Variants in TANGO6 observed in about 807,000 individuals in gnomAD.
TANGO6 encodes the protein transport and Golgi organization protein 6 homolog.
Under a neutral mutation model 114.2 loss-of-function variants are expected in TANGO6, and 90 were observed. The observed-to-expected ratio is 0.79, with a 90% CI of 0.66 to 0.94. TANGO6 has a LOEUF of 0.94. Among genes scored for constraint, TANGO6 ranks in the 40% least tolerant of loss-of-function variants. The pLI is 0.00. For missense variants in TANGO6, 1,274 were observed against 1,315.3 expected (o/e 0.97, Z 0.49); for synonymous variants, 477 against 509.8 (o/e 0.94, Z 0.87).
chr16:68,881,559 C>T (rs1962463086), intron 7 of TANGO6, among the ~76,000 whole-genome samples: 1 of 152,030 alleles, frequency 6.6e-6, no homozygotes, highest in South Asian at 2.1e-4. Flanking sequence ...TTTTTCAATA[C>T]TATAGTCTTC....
intron 14 of TANGO6, among the ~76,000 whole-genome samples, chr16:68,942,782 G>A (rs746368547): frequency 2.0e-5 from 3 of 152,154 alleles, no homozygotes; most frequent in Non-Finnish European, 2.9e-5. Flanking sequence ...GCCTTTTTAA[G>A]GGGAGAAAAT....
chr16:68,933,283 T>C (rs1963265673), intron 14 of TANGO6, among the ~76,000 whole-genome samples: 1 of 152,060 alleles, frequency 6.6e-6, no homozygotes, highest in South Asian at 2.1e-4. Context: ...GGCATGGTGG[T>C]GTGTGCCTGT....
In TANGO6 at chr16:68,952,827, ATC is replaced by A. The variant is rs1292833310; in HGVS notation, c.2702-21195_2702-21194del. On this transcript the variant is annotated intron_variant, in intron 14 of 17. Coordinates refer to ENST00000261778, the MANE Select transcript of TANGO6 (RefSeq NM_024562.2). ...GAGCTGCCAAAGACCTCATTAGGTC[ATC>A]TCTCTGTCCACCTGCTGGGACATGA... is the stretch of plus-strand genomic sequence containing the variant. 2.0e-5 allele frequency among the ~76,000 whole-genome samples: 3 copies of A among 152,294 alleles called. No individual in the cohort carries two copies. The East Asian group carries it at 5.8e-4, about 29-fold the overall frequency.
Position 68,958,228 on chromosome 16 carries a change from C to A in TANGO6, c.2702-15800C>A, listed in dbSNP as rs796270551. The stretch of plus-strand genomic sequence containing the variant: ...AGTGTATGAGCCGGGTGCAGTCACT[C>A]GCGCCTGTAATCCCAGCACTTTGAG... On this transcript the variant is annotated intron_variant, in intron 14 of 17. Coordinates refer to ENST00000261778, the MANE Select transcript of TANGO6 (RefSeq NM_024562.2). Among the ~76,000 whole-genome samples the A allele has an allele frequency of 6.0e-5, 9 of 151,210 alleles. 1 individual carries two copies. The highest frequency in any genetic ancestry group is 2.2e-4 in the African/African-American group (9 of 41,212).
chr16:68,927,912 C>T lies in TANGO6; in HGVS notation c.2472C>T (p.Ser824=). 1.2e-6 allele frequency: 2 copies of T among 1,613,874 alleles called. No individual in the cohort carries two copies. Among genetic ancestry groups the T allele is most frequent in the Non-Finnish European group, 1.7e-6 (2 of 1,179,834 alleles). ...PIIPQGVNEP[S]TTTSQKSGSV... is the part of the protein sequence containing the mutation. ...TTCCTCAAGGAGTCAATGAGCCCAG[C>T]ACTACTACAAGTCAGAAATCTGGAA... The change falls in exon 13 of 18, where the codon AGC becomes AGT. Residue 824 remains serine (S), a synonymous_variant. Transcript: ENST00000261778.
chr16:68,967,501 T>C (rs576558632), intron 14 of TANGO6, among the ~76,000 whole-genome samples: 1 of 152,336 alleles, frequency 6.6e-6, no homozygotes, highest in Non-Finnish European at 1.5e-5. Context: ...AATGTTGTTA[T>C]CACCCCAGAA....
intron 17 of TANGO6, among the ~76,000 whole-genome samples, chr16:69,072,637 G>T (rs1960314446): frequency 6.6e-6 from 1 of 152,138 alleles, no homozygotes; most frequent in Admixed American, 6.6e-5. Flanking sequence ...GGATTGGGAA[G>T]AAGCTCTATA....
At chr16:68,849,966 C>T (rs1372674624) in intron 1 of TANGO6, among the ~76,000 whole-genome samples, 1 of 144,982 alleles carries the variant, frequency 6.9e-6, no homozygotes, top group Non-Finnish European at 1.5e-5. Context: ...GTCTTTCTAG[C>T]GGTTCTTTTT....
intron 17 of TANGO6, among the ~76,000 whole-genome samples, chr16:69,049,774 C>T (rs988262838): frequency 1.3e-5 from 2 of 151,498 alleles, no homozygotes; most frequent in Non-Finnish European, 2.9e-5. Flanking sequence ...TGGGGTCTCA[C>T]TATGTTGCCC....
intron 17 of TANGO6, among the ~76,000 whole-genome samples, chr16:69,048,723 G>A (rs1959900822): frequency 6.6e-6 from 1 of 152,132 alleles, no homozygotes; most frequent in Non-Finnish European, 1.5e-5. Context: ...TGAGAGAGAA[G>A]GCAAACCCTG....
chr16:68,856,804 C>T (rs1223994305), intron 1 of TANGO6, among the ~76,000 whole-genome samples: 1 of 152,064 alleles, frequency 6.6e-6, no homozygotes, highest in Non-Finnish European at 1.5e-5. Context: ...ATAGTTTCAC[C>T]TCCCTAAAAA....
At chr16:68,879,328 T>A (rs1053610189) in intron 6 of TANGO6, among the ~76,000 whole-genome samples, 2 of 149,698 alleles carry the variant, frequency 1.3e-5, no homozygotes, top group East Asian at 2.0e-4. Context: ...GAAAAAATTT[T>A]AAAAATTAGC....
chr16:69,039,445 G>A (rs1302394290), intron 16 of TANGO6, among the ~76,000 whole-genome samples: 2 of 152,012 alleles, frequency 1.3e-5, no homozygotes, highest in African/African-American at 4.8e-5. Flanking sequence ...AGACCAGCTG[G>A]GCAACATGGT....
intron 7 of TANGO6, among the ~76,000 whole-genome samples, chr16:68,895,480 G>A (rs1425610247): frequency 1.3e-5 from 2 of 152,246 alleles, no homozygotes; most frequent in Admixed American, 1.3e-4. Flanking sequence ...TCTGATAGGT[G>A]CTGAAGAAGG....
At chr16:68,943,818 C>G (rs1426930752) in intron 14 of TANGO6, among the ~76,000 whole-genome samples, 4 of 152,070 alleles carry the variant, frequency 2.6e-5, no homozygotes, top group African/African-American at 9.7e-5. Context: ...GCACGAAGGT[C>G]AAAATAATAT....
At chr16:68,846,972 C>A (rs7196432) in intron 1 of TANGO6, 17,156 of 151,370 alleles carry the variant, frequency 0.11, 1,599 homozygotes, top group African/African-American at 0.25. Flanking sequence ...CTCATTGCCA[C>A]CTCCGCCTCC....
intron 14 of TANGO6, among the ~76,000 whole-genome samples, chr16:68,957,283 G>T (rs1206700958): frequency 6.6e-6 from 1 of 151,764 alleles, no homozygotes; most frequent in East Asian, 1.9e-4. Context: ...TTTCTCATCA[G>T]CCCACACAGA....
At position 68,843,576 on chromosome 16, in the gene TANGO6, A is replaced by G. The variant is rs370215696; in HGVS notation, c.-42A>G. 4.4e-3 allele frequency: 7,042 copies of G among 1,584,116 alleles called. 28 individuals are homozygous for G. Among genetic ancestry groups the G allele is most frequent in the Non-Finnish European group, 5.2e-3 (6,025 of 1,159,084 alleles). On this transcript the variant is annotated 5_prime_UTR_variant, in exon 1 of 18. Coordinates refer to ENST00000261778, the MANE Select transcript of TANGO6 (RefSeq NM_024562.2). ...ACATGGCGGCGGCGGCGCCCTGCCG[A>G]GGCGCCTGAGCGGGTCGCGAGCGTG...
intron 17 of TANGO6, among the ~76,000 whole-genome samples, chr16:69,076,088 CTT>C (rs34844519): frequency 2.3e-5 from 2 of 85,674 alleles, no homozygotes; most frequent in South Asian, 4.4e-4. Context: ...TATTTCATTT[CTT>C]TTTTTTTTTT....
Sources: allele counts gnomAD v4.1 joint callset (sites outside exome capture counted in the v4.1 genomes callset), GRCh38; gene constraint gnomAD v4.1.1; transcripts MANE v1.5; gene names NCBI Gene and HGNC (gene_info 2026-07-23, HGNC 2026-07-21).